SLC24A2: variants seen among roughly 807,000 people sequenced by gnomAD.
SLC24A2 encodes solute carrier family 24 member 2.
A neutral mutation model predicts 62.0 loss-of-function variants in SLC24A2; 36 were observed. That is an observed-to-expected ratio of 0.58 (90% CI 0.44 to 0.77). The LOEUF (loss-of-function observed/expected upper bound fraction) is 0.77. Among genes scored for constraint, SLC24A2 ranks in the 30% least tolerant of loss-of-function variants. The probability of loss-of-function intolerance (pLI) is 0.00; values close to 1 mark genes in which losing one functional copy is unlikely to be tolerated. For synonymous variants in SLC24A2, 358 were observed against 294.0 expected, an observed-to-expected ratio of 1.22 and a Z score of -2.23; for missense variants, 846 against 817.9, an observed-to-expected ratio of 1.03 and a Z score of -0.42.
the SLC24A2 span, among the ~76,000 whole-genome samples, chr9:20,179,414 A>G: frequency 2.6e-5 from 4 of 152,200 alleles, no homozygotes; most frequent in African/African-American, 9.6e-5. Context: ...GTGGTCCAGA[A>G]CATGAGATCA....
At chr9:19,788,732 T>C (rs1823254128) in intron 1 of SLC24A2, 153 bp downstream of exon 1, 1 of 984,554 alleles carries the variant, frequency 1.0e-6, no homozygotes, top group Non-Finnish European at 1.2e-6. Context: ...GCACAGAGAG[T>C]TGGCTAACTC....
At chr9:20,195,167 T>A in the SLC24A2 span, among the ~76,000 whole-genome samples, 1 of 152,202 alleles carries the variant, frequency 6.6e-6, no homozygotes, top group African/African-American at 2.4e-5. Context: ...ATTATTCATC[T>A]ATTTTACTGT....
At chr9:19,544,617 C>A (rs1228707695) in intron 8 of SLC24A2, among the ~76,000 whole-genome samples, 1 of 152,132 alleles carries the variant, frequency 6.6e-6, no homozygotes, top group Non-Finnish European at 1.5e-5. Context: ...TCTTGTAAGG[C>A]AGGCCTGGTG....
the SLC24A2 span, among the ~76,000 whole-genome samples, chr9:19,798,004 A>ATCT: frequency 6.6e-6 from 1 of 152,196 alleles, no homozygotes; most frequent in African/African-American, 2.4e-5. Flanking sequence ...TACATTTATT[A>ATCT]TCTTACAGTT....
intron 4 of SLC24A2, among the ~76,000 whole-genome samples, chr9:19,613,453 G>A (rs1412730804): frequency 6.6e-6 from 1 of 152,166 alleles, no homozygotes; most frequent in Non-Finnish European, 1.5e-5. Context: ...GGACATGAAG[G>A]TGGAGAGAGG....
the SLC24A2 span, among the ~76,000 whole-genome samples, chr9:20,258,343 T>G: frequency 1.3e-5 from 2 of 152,228 alleles, no homozygotes; most frequent in Non-Finnish European, 2.9e-5. Flanking sequence ...TGGTTTGGCA[T>G]TTGATTAGAA....
the SLC24A2 span, among the ~76,000 whole-genome samples, chr9:19,866,151 G>A: frequency 2.0e-5 from 3 of 152,132 alleles, no homozygotes; most frequent in Non-Finnish European, 4.4e-5. Context: ...ACAATGAGAT[G>A]TCATCTCACC....
At chr9:19,796,012 A>G in the SLC24A2 span, among the ~76,000 whole-genome samples, 1 of 151,190 alleles carries the variant, frequency 6.6e-6, no homozygotes, top group Non-Finnish European at 1.5e-5. Flanking sequence ...TCAGCAAACT[A>G]TCGTAAGGAC....
chr9:20,172,220 G>C, the SLC24A2 span, among the ~76,000 whole-genome samples: 24 of 152,162 alleles, frequency 1.6e-4, no homozygotes, highest in Admixed American at 1.2e-3. Context: ...TAAGAGGAAA[G>C]TTCATAGCCC....
chr9:19,633,729 T>A (rs1452362423), intron 2 of SLC24A2, among the ~76,000 whole-genome samples: 1 of 152,204 alleles, frequency 6.6e-6, no homozygotes, highest in African/African-American at 2.4e-5. Flanking sequence ...TTATTTGCCA[T>A]TTGTGTATCT....
At chr9:20,140,260 G>A in the SLC24A2 span, among the ~76,000 whole-genome samples, 1 of 152,156 alleles carries the variant, frequency 6.6e-6, no homozygotes, top group African/African-American at 2.4e-5. Flanking sequence ...TTTTGTGGGG[G>A]AGGGAGGCAG....
intron 8 of SLC24A2, among the ~76,000 whole-genome samples, chr9:19,546,886 G>C (rs951355225): frequency 2.0e-5 from 3 of 152,234 alleles, no homozygotes; most frequent in Non-Finnish European, 1.5e-5. Context: ...CTGGGCCAGA[G>C]TGCACTGTTC....
intron 2 of SLC24A2, among the ~76,000 whole-genome samples, chr9:19,635,638 AAAT>A (rs1205774032): frequency 2.6e-5 from 4 of 152,236 alleles, no homozygotes; most frequent in African/African-American, 7.2e-5. Flanking sequence ...ATTTCTCTCA[AAAT>A]AATGAGATTT....
chr9:19,630,634 A>G (rs1373496664), intron 2 of SLC24A2, among the ~76,000 whole-genome samples: 2 of 152,220 alleles, frequency 1.3e-5, no homozygotes, highest in Middle Eastern at 3.2e-3. Flanking sequence ...GTACCATATC[A>G]GTACCTGATT....
At chr9:20,074,660 G>T in the SLC24A2 span, among the ~76,000 whole-genome samples, 1 of 139,746 alleles carries the variant, frequency 7.2e-6, no homozygotes. Flanking sequence ...AGGGGGAGGG[G>T]AACAGCTTTT....
intron 8 of SLC24A2, among the ~76,000 whole-genome samples, chr9:19,531,407 C>T (rs767166099): frequency 7.9e-5 from 12 of 152,160 alleles, no homozygotes; most frequent in South Asian, 2.1e-4. Context: ...AATGGGGGTT[C>T]ATCCTGCCAT....
At chr9:20,097,411 G>A in the SLC24A2 span, among the ~76,000 whole-genome samples, 1 of 152,136 alleles carries the variant, frequency 6.6e-6, no homozygotes, top group Non-Finnish European at 1.5e-5. Context: ...CTTCAGTATT[G>A]ATATGAGTCT....
chr9:19,540,570 G>A (rs1834201699), intron 8 of SLC24A2, among the ~76,000 whole-genome samples: 1 of 148,036 alleles, frequency 6.8e-6, no homozygotes, highest in South Asian at 2.1e-4. Flanking sequence ...TCTGCCGAGA[G>A]ATCCGCTGTT....
chr9:20,142,671 A>T, the SLC24A2 span, among the ~76,000 whole-genome samples: 1 of 152,138 alleles, frequency 6.6e-6, no homozygotes, highest in South Asian at 2.1e-4. Flanking sequence ...ATCTCAGCTC[A>T]CTGCAGCCTC....
Sources: gnomAD v4.1 joint callset for allele counts (sites outside exome capture counted in the v4.1 genomes callset) on GRCh38, gnomAD v4.1.1 for gene constraint, MANE v1.5 for transcripts, NCBI Gene and HGNC (gene_info 2026-07-23, HGNC 2026-07-21) for gene names.